Variants in PMM2 observed in about 807,000 individuals in gnomAD.
PMM2 encodes the protein mannose-6-phosphate isomerase.
In PMM2, 35 loss-of-function variants were observed where a neutral mutation model predicts 33.2. The observed-to-expected ratio is 1.06, with a 90% CI of 0.81 to 1.40. PMM2 has a LOEUF of 1.40. PMM2 is among the 40% of genes most tolerant of loss of function. The pLI is 0.00. For missense variants in PMM2, 386 were observed against 306.0 expected, an observed-to-expected ratio of 1.26 and a Z score of -1.95; for synonymous variants, 153 against 114.7, an observed-to-expected ratio of 1.33 and a Z score of -2.13.
chr16:8,825,044 T>C (rs1030883345), intron 7 of PMM2, among the ~76,000 whole-genome samples: 1 of 152,258 alleles, frequency 6.6e-6, no homozygotes, highest in Admixed American at 6.5e-5. Flanking sequence ...TTTTTGTTGT[T>C]GTTTGAGGTG....
At position 8,813,004 on chromosome 16, in the gene PMM2, C is replaced by T; in HGVS notation, c.537C>T (p.Ser179=). 6.2e-7 allele frequency: 1 copy of T among 1,610,216 alleles called. No homozygotes were observed. Among genetic ancestry groups the T allele is most frequent in the Non-Finnish European group, 8.5e-7 (1 of 1,176,386 alleles). The change falls in exon 7 of 8, where the codon AGC becomes AGT. Residue 179 remains serine, a synonymous_variant. Coordinates refer to ENST00000268261, the MANE Select transcript of PMM2 (RefSeq NM_000303.3). The stretch of plus-strand genomic sequence containing the variant: ...CCCACCCGGCAGGAGGCCAGATCAG[C>T]TTTGATGTCTTTCCTGATGGATGGG... ...GLTFSIGGQI[S]FDVFPDGWDK... is the part of the protein sequence containing the mutation.
intron 7 of PMM2, among the ~76,000 whole-genome samples, chr16:8,839,363 G>C (rs953561639): frequency 6.6e-6 from 1 of 152,022 alleles, no homozygotes; most frequent in Non-Finnish European, 1.5e-5. Context: ...GCTGCAAGGG[G>C]TGTCTTGTAC....
At chr16:8,845,122 AAG>A (rs762283823) in intron 7 of PMM2, among the ~76,000 whole-genome samples, 3 of 152,214 alleles carry the variant, frequency 2.0e-5, no homozygotes, top group African/African-American at 4.8e-5. Flanking sequence ...TGAGTCCGAA[AAG>A]AGAGTCGGCA....
intron 6 of PMM2, 152 bp from the exon 7 acceptor site, chr16:8,812,839 A>T (rs1050058577): frequency 6.0e-6 from 4 of 667,790 alleles, no homozygotes; most frequent in African/African-American, 1.8e-5. Flanking sequence ...TCTAGAACCT[A>T]TGCATGAAGT....
At position 8,811,088 on chromosome 16, in the gene PMM2, C is replaced by T. The variant is rs80338701; in HGVS notation, c.357C>T (p.Phe119=). Residue 119 remains phenylalanine (F), a synonymous_variant, in exon 5 of 8, where the codon TTC becomes TTT. Coordinates refer to ENST00000268261, the MANE Select transcript of PMM2 (RefSeq NM_000303.3). ...ACCCTTTCATTCCCAGGGGTACTTT[C>T]ATTGAATTCCGAAATGGGATGTTAA... The part of the protein sequence containing the change: ...KIKLPKKRGT[F]IEFRNGMLNV... 1.9e-6 allele frequency: 3 copies of T among 1,561,742 alleles called. No individual in the cohort carries two copies. The highest frequency in any genetic ancestry group is 1.8e-5 in the Admixed American group (1 of 54,484).
chr16:8,800,347 C>A lies in PMM2; in HGVS notation c.67-1452C>A, dbSNP rs185435315. Reference sequence around the variant, plus strand: ...TTGCACTCCAGCCTGGGTGACAGAGCACGACTTCGTGTCAAAAAAAAAAAA... The same window carrying A: ...TTGCACTCCAGCCTGGGTGACAGAGAACGACTTCGTGTCAAAAAAAAAAAA... On this transcript the variant is annotated intron_variant, in intron 1 of 7. Transcript: ENST00000268261. Among the ~76,000 whole-genome samples, 236 of 128,316 alleles carry A rather than the reference C, an allele frequency of 1.8e-3. 1 individual carries two copies. Among genetic ancestry groups the A allele is most frequent in the Non-Finnish European group, 2.8e-3 (175 of 61,594 alleles). 84.2% of individuals were successfully genotyped at this position (128,316 alleles called of 152,430 possible). A position where few individuals can be genotyped will look rare whatever the true frequency, so the allele number is the denominator to read the frequency against.
intron 2 of PMM2, chr16:8,802,260 GC>G: frequency 2.2e-6 from 1 of 452,034 alleles, no homozygotes; most frequent in South Asian, 1.6e-5. Context: ...CCCTCTGACA[GC>G]CCCCCTCACC....
chr16:8,839,321 A>T (rs911996595), intron 7 of PMM2, among the ~76,000 whole-genome samples: 2 of 151,960 alleles, frequency 1.3e-5, no homozygotes, highest in African/African-American at 4.8e-5. Flanking sequence ...TGCGAGGCAA[A>T]ACTGGAGATG....
intron 3 of PMM2, among the ~76,000 whole-genome samples, chr16:8,805,356 C>G (rs1596486034): frequency 6.6e-6 from 1 of 152,280 alleles, no homozygotes; most frequent in East Asian, 1.9e-4. Context: ...GCATGAGCCA[C>G]CACACCCAGC....
chr16:8,825,980 T>G (rs2060765553), intron 7 of PMM2, among the ~76,000 whole-genome samples: 1 of 152,158 alleles, frequency 6.6e-6, no homozygotes, highest in Non-Finnish European at 1.5e-5. Context: ...GGTTTCGAAC[T>G]TCTGACCTCG....
At chr16:8,846,847 A>T (rs4349143) in intron 7 of PMM2, among the ~76,000 whole-genome samples, 114,209 of 152,010 alleles carry the variant, frequency 0.75, 43,056 homozygotes, top group African/African-American at 0.8. Context: ...AGCAGCTCAG[A>T]CCCCAGTCAT....
At chr16:8,816,015 G>GA (rs1210909570) in intron 7 of PMM2, among the ~76,000 whole-genome samples, 4 of 151,390 alleles carry the variant, frequency 2.6e-5, no homozygotes, top group African/African-American at 9.7e-5. Flanking sequence ...GTTCTCCAAA[G>GA]AAGACATGCA....
chr16:8,808,399 C>T (rs1339457174), intron 4 of PMM2: 2 of 151,944 alleles, frequency 1.3e-5, no homozygotes, highest in African/African-American at 2.4e-5. Flanking sequence ...TAATCCTGTC[C>T]TCAAAGAGCG....
chr16:8,838,359 A>G (rs1340028219), intron 7 of PMM2, among the ~76,000 whole-genome samples: 1 of 152,052 alleles, frequency 6.6e-6, no homozygotes, highest in African/African-American at 2.4e-5. Context: ...CGTGCAAGTC[A>G]TAGGGGATGC....
intron 2 of PMM2, among the ~76,000 whole-genome samples, chr16:8,804,045 T>TTTTTTG (rs1199767650): frequency 2.9e-5 from 3 of 103,994 alleles, no homozygotes; most frequent in Non-Finnish European, 2.1e-5. Context: ...TTTTTTTTTT[T>TTTTTTG]TTTTTTGACG....
chr16:8,843,009 G>C (rs1567170332), intron 7 of PMM2, among the ~76,000 whole-genome samples: 1 of 152,150 alleles, frequency 6.6e-6, no homozygotes, highest in Non-Finnish European at 1.5e-5. Context: ...ATGAGATGCG[G>C]CTGTAGTCCA....
rs1163253393 is a variant in PMM2, at chr16:8,801,913, A to G, written c.178+3A>G. 13 of 1,565,430 alleles carry G rather than the reference A, an allele frequency of 8.3e-6. No individual in the cohort carries two copies. The highest frequency in any genetic ancestry group is 1.7e-5 in the Admixed American group (1 of 59,902). On this transcript the variant is annotated splice_donor_region_variant and intron_variant, in intron 2 of 7. Coordinates refer to ENST00000268261, the MANE Select transcript of PMM2 (RefSeq NM_000303.3). ...GCAGGAGCAACTGGGAAATGATGGT[A>G]AATGATGGGTTGCTAATTACATCTG...
intron 7 of PMM2, among the ~76,000 whole-genome samples, chr16:8,826,132 A>G (rs889912746): frequency 6.6e-6 from 1 of 152,190 alleles, no homozygotes; most frequent in African/African-American, 2.4e-5. Context: ...TTTATGGAAA[A>G]AATTAAATAA....
intron 5 of PMM2, 35 bp from the exon 6 acceptor site, chr16:8,811,603 A>G (rs774466442): frequency 7.4e-7 from 1 of 1,357,430 alleles, no homozygotes; most frequent in Admixed American, 1.7e-5. Flanking sequence ...AAACTGCAAT[A>G]CAAGAAACAA....
Sources: gnomAD v4.1 joint callset for allele counts (sites outside exome capture counted in the v4.1 genomes callset) on GRCh38, gnomAD v4.1.1 for gene constraint, MANE v1.5 for transcripts, NCBI Gene and HGNC (gene_info 2026-07-23, HGNC 2026-07-21) for gene names.